Variants in PCDH7 observed in about 807,000 individuals in gnomAD.
The protein encoded by PCDH7 is protocadherin 7.
Under a neutral mutation model 58.9 loss-of-function variants are expected in PCDH7, and 17 were observed. That is an observed-to-expected ratio of 0.29 (90% CI 0.20 to 0.43). The LOEUF is 0.43. Among genes scored for constraint, PCDH7 ranks in the 20% least tolerant of loss-of-function variants. The probability of loss-of-function intolerance (pLI) is 1.00; values close to 1 mark genes in which losing one functional copy is unlikely to be tolerated. For missense variants in PCDH7, 1,274 were observed against 1,441.0 expected, an observed-to-expected ratio of 0.88 and a Z score of 1.88; for synonymous variants, 664 against 616.4, an observed-to-expected ratio of 1.08 and a Z score of -1.14.
intron 1 of PCDH7, among the ~76,000 whole-genome samples, chr4:30,783,961 T>C (rs1454877002): frequency 1.3e-5 from 2 of 152,090 alleles, no homozygotes; most frequent in Non-Finnish European, 2.9e-5. Context: ...TGTGTGTGTA[T>C]GTGTGAGAGA....
chr4:30,931,469 G>A (rs1744582313), intron 2 of PCDH7, among the ~76,000 whole-genome samples: 1 of 152,062 alleles, frequency 6.6e-6, no homozygotes, highest in Non-Finnish European at 1.5e-5. Context: ...CAGCTACGCG[G>A]GAGGCTGAGA....
At chr4:30,956,913 G>A (rs932446875) in intron 3 of PCDH7, among the ~76,000 whole-genome samples, 7 of 152,168 alleles carry the variant, frequency 4.6e-5, no homozygotes, top group African/African-American at 1.7e-4. Flanking sequence ...AGAAGAAACA[G>A]AAAAACACTA....
chr4:31,000,104 A>T (rs1042482235), intron 3 of PCDH7, among the ~76,000 whole-genome samples: 2 of 152,112 alleles, frequency 1.3e-5, no homozygotes, highest in African/African-American at 4.8e-5. Context: ...AGCTATATTG[A>T]ACAAAATTAT....
At position 30,903,235 on chromosome 4, in the gene PCDH7, A is replaced by T. The variant is rs140038005; in HGVS notation, c.71-16918A>T. Among the ~76,000 whole-genome samples, 108 of 152,146 alleles carry T rather than the reference A, an allele frequency of 7.1e-4. 3 individuals carry two copies. In the East Asian group the frequency reaches 0.019, roughly 27 times the overall value. ...TTTTATATAAATAACTCATCCTCTTAATATTTTTTTAACTCAAGTATAAAA... is the reference window on the plus strand; with the variant it reads ...TTTTATATAAATAACTCATCCTCTTTATATTTTTTTAACTCAAGTATAAAA... On this transcript the variant is annotated intron_variant, in intron 1 of 3. Coordinates refer to the PCDH7 transcript ENST00000509759.
At chr4:30,863,617 C>T (rs936690109) in intron 1 of PCDH7, among the ~76,000 whole-genome samples, 1 of 152,054 alleles carries the variant, frequency 6.6e-6, no homozygotes, top group Admixed American at 6.6e-5. Flanking sequence ...AAAGCTGTTC[C>T]ATAAATATGG....
Position 30,722,754 on chromosome 4 carries a change from G to A in PCDH7, c.1332G>A (p.Leu444=), listed in dbSNP as rs755286343. ...TTCTGGTCGACACCCCCATCGCTCTGGTGCAGGTGTCCGACCGAGACCAAG... is the reference window on the plus strand; with the variant it reads ...TTCTGGTCGACACCCCCATCGCTCTAGTGCAGGTGTCCGACCGAGACCAAG... Residue 444 remains leucine, a synonymous_variant, in exon 1 of 2, where the codon CTG becomes CTA. Transcript: ENST00000361762. The surrounding 1 kb of genome is among the most constrained non-coding windows in gnomAD (Gnocchi z 7.6). 6.2e-7 allele frequency: 1 copy of A among 1,613,512 alleles called. No homozygotes were observed. The highest frequency in any genetic ancestry group is 8.5e-7 in the Non-Finnish European group (1 of 1,180,022).
chr4:30,968,861 A>G (rs1411144343), intron 3 of PCDH7, among the ~76,000 whole-genome samples: 5 of 151,864 alleles, frequency 3.3e-5, no homozygotes, highest in Non-Finnish European at 7.4e-5. Context: ...ATGTGCCTGT[A>G]TACATCTTGT....
intron 1 of PCDH7, among the ~76,000 whole-genome samples, chr4:30,828,293 T>A (rs937022096): frequency 8.6e-5 from 13 of 152,004 alleles, no homozygotes; most frequent in Admixed American, 8.5e-4. Context: ...GTGCATAAGC[T>A]ATAAAAACAA....
chr4:30,723,995 A>T lies in PCDH7; in HGVS notation c.2573A>T (p.His858Leu). The change falls in exon 1 of 2, where the codon CAC becomes CTC. Residue 858 changes from histidine to leucine, a missense_variant. His to Leu is a moderately conservative substitution (Grantham distance 99, BLOSUM62 -3). Coordinates refer to ENST00000361762, the Ensembl canonical transcript of PCDH7. The surrounding 1 kb of genome is among the most constrained non-coding windows in gnomAD (Gnocchi z 4.6). The stretch of plus-strand genomic sequence containing the variant: ...GACTCCCAGATAGCTAGAAGTTTGC[A>T]CATCCCACTCACCCAGGATATAGCT... 1 of 1,614,196 alleles carries T rather than the reference A, an allele frequency of 6.2e-7. No homozygotes were observed. The highest frequency in any genetic ancestry group is 1.7e-5 in the Admixed American group (1 of 60,024).
intron 1 of PCDH7, among the ~76,000 whole-genome samples, chr4:30,899,642 A>C (rs1739939387): frequency 6.6e-6 from 1 of 152,002 alleles, no homozygotes; most frequent in Non-Finnish European, 1.5e-5. Flanking sequence ...TTTACTGTTC[A>C]CTCCATCTTT....
At chr4:31,111,863 A>C (rs1204487368) in intron 3 of PCDH7, among the ~76,000 whole-genome samples, 1 of 152,226 alleles carries the variant, frequency 6.6e-6, no homozygotes, top group Non-Finnish European at 1.5e-5. Flanking sequence ...AGTATGTCAT[A>C]GTCTCTGAAG....
intron 1 of PCDH7, among the ~76,000 whole-genome samples, chr4:30,809,296 T>A (rs1202201394): frequency 1.3e-5 from 2 of 152,180 alleles, no homozygotes; most frequent in Admixed American, 6.5e-5. Context: ...ACTATCTGTG[T>A]TGCCCACTGT....
Position 30,944,490 on chromosome 4 carries a change from T to C in PCDH7, c.288-5630T>C, listed in dbSNP as rs1287611215. ...TTAGGGTCCTCTATAATTTTTAAAG[T>C]GTAAAGGAGGCTTGAAAACCAAACA... On this transcript the variant is annotated intron_variant, in intron 2 of 3. Coordinates refer to the PCDH7 transcript ENST00000509759. Among the ~76,000 whole-genome samples the C allele has an allele frequency of 8.5e-5, 13 of 152,234 alleles. No homozygotes were observed. The South Asian group carries it at 2.3e-3, about 27-fold the overall frequency.
At chr4:30,996,581 A>G (rs1393853079) in intron 3 of PCDH7, among the ~76,000 whole-genome samples, 1 of 152,138 alleles carries the variant, frequency 6.6e-6, no homozygotes, top group African/African-American at 2.4e-5. Context: ...CATGCTACTG[A>G]TAGTTGAAAA....
At chr4:31,108,302 C>T (rs1715833946) in intron 3 of PCDH7, among the ~76,000 whole-genome samples, 2 of 136,580 alleles carry the variant, frequency 1.5e-5, no homozygotes, top group South Asian at 4.6e-4. Flanking sequence ...GGAATTCAGC[C>T]AGTGTGTACT....
intron 1 of PCDH7, among the ~76,000 whole-genome samples, chr4:30,852,165 T>C (rs1268129175): frequency 6.6e-6 from 1 of 152,108 alleles, no homozygotes; most frequent in Non-Finnish European, 1.5e-5. Flanking sequence ...TGAGTGTTTT[T>C]GTACCATTTT....
At chr4:30,826,977 C>T (rs1387143237) in intron 1 of PCDH7, among the ~76,000 whole-genome samples, 2 of 152,064 alleles carry the variant, frequency 1.3e-5, no homozygotes, top group Non-Finnish European at 2.9e-5. Context: ...CTTCCCAGTG[C>T]TACTCTAGAT....
intron 3 of PCDH7, among the ~76,000 whole-genome samples, chr4:31,013,607 A>ACACACC (rs1353544370): frequency 6.6e-6 from 1 of 151,616 alleles, no homozygotes; most frequent in African/African-American, 2.4e-5. Flanking sequence ...ACACACACAC[A>ACACACC]CACACACACA....
At chr4:31,070,179 C>T (rs962476953) in intron 3 of PCDH7, among the ~76,000 whole-genome samples, 12 of 151,894 alleles carry the variant, frequency 7.9e-5, no homozygotes, top group African/African-American at 2.9e-4. Context: ...CATGTGTGTA[C>T]GAGAATAAAT....
Sources: gnomAD v4.1 joint callset for allele counts (sites outside exome capture counted in the v4.1 genomes callset) on GRCh38, gnomAD v4.1.1 for gene constraint, Gnocchi (gnomAD v3.1) non-coding constraint, MANE v1.5 for transcripts, NCBI Gene and HGNC (gene_info 2026-07-23, HGNC 2026-07-21) for gene names.